The following TRIM32 variants were observed in gnomAD, a reference collection of about 807,000 sequenced individuals.
TRIM32 encodes tripartite motif containing 32.
In TRIM32, 19 loss-of-function variants were observed where a neutral mutation model predicts 36.0. The ratio of observed to expected loss-of-function variants is 0.53; its 90% CI spans 0.37 to 0.77. The LOEUF (loss-of-function observed/expected upper bound fraction) is 0.77. Ranked by LOEUF, TRIM32 falls within the 30% of genes least tolerant of loss-of-function variation. The pLI is 0.00. For missense variants in TRIM32, 747 were observed against 845.2 expected (o/e 0.88, Z 1.44); for synonymous variants, 309 against 318.5 (o/e 0.97, Z 0.32).
At position 116,699,872 on chromosome 9, in the gene TRIM32, C is replaced by T. The variant is rs370691123; in HGVS notation, c.*168C>T. ...TTTAATGTTTTTATTTGTTATGTCC[C>T]CCTCCCCGCTTCCCACCTAAATTTA... On this transcript the variant is annotated 3_prime_UTR_variant, in exon 2 of 2. Coordinates refer to ENST00000450136, the MANE Select transcript of TRIM32 (RefSeq NM_012210.4). The surrounding 1 kb of genome is among the most constrained non-coding windows in gnomAD (Gnocchi z 4.2). 4 of 888,358 alleles carry T rather than the reference C, an allele frequency of 4.5e-6. No individual in the cohort carries two copies. The African/African-American group carries it at 6.8e-5, about 15-fold the overall frequency. The allele number at this position is 888,358 out of a possible 1,614,324, so 55.0% of individuals were successfully genotyped here.
At chr9:116,689,939 A>G (rs753319373) in intron 1 of TRIM32, among the ~76,000 whole-genome samples, 1 of 152,164 alleles carries the variant, frequency 6.6e-6, no homozygotes, top group African/African-American at 2.4e-5. Context: ...GAGAGTAACT[A>G]CTGTTCTGTA....
In TRIM32 at chr9:116,687,372, G is replaced by A. The variant is rs1860302229; in HGVS notation, c.-91G>A. 3.8e-6 allele frequency: 2 copies of A among 532,448 alleles called. No homozygotes were observed. Among genetic ancestry groups the A allele is most frequent in the South Asian group, 8.1e-5 (1 of 12,308 alleles). The allele number at this position is 532,448 out of a possible 1,614,324, so 33.0% of individuals were successfully genotyped here. A position where few individuals can be genotyped will look rare whatever the true frequency, so the allele number is the denominator to read the frequency against. On this transcript the variant is annotated 5_prime_UTR_variant, in exon 1 of 2. Transcript: ENST00000450136. Reference sequence around the variant, plus strand: ...CCGGCGGTGGACTCGTCGGAGCCGCGGGCGGTCAGGTAGGGGGCGGGAAGG... The same window carrying A: ...CCGGCGGTGGACTCGTCGGAGCCGCAGGCGGTCAGGTAGGGGGCGGGAAGG...
intron 1 of TRIM32, among the ~76,000 whole-genome samples, chr9:116,692,800 G>A (rs1860638514): frequency 6.6e-6 from 1 of 152,074 alleles, no homozygotes; most frequent in Non-Finnish European, 1.5e-5. Context: ...TGCCCAGGCT[G>A]AAGTACAGTA....
intron 1 of TRIM32, among the ~76,000 whole-genome samples, chr9:116,695,270 A>G (rs894539977): frequency 3.3e-5 from 5 of 152,192 alleles, no homozygotes; most frequent in African/African-American, 1.2e-4. Context: ...TTACCACTTC[A>G]TAGTGTCATC....
At position 116,700,699 on chromosome 9, in the gene TRIM32, AT is replaced by A. The variant is rs1394867045; in HGVS notation, c.*998del. ...TCAGTACATACTATTTGGTTTCAGGATTTCTTTCCATTTCTCTATCAAGCAT... is the reference window on the plus strand; with the variant it reads ...TCAGTACATACTATTTGGTTTCAGGATTCTTTCCATTTCTCTATCAAGCAT... On this transcript the variant is annotated 3_prime_UTR_variant, in exon 2 of 2. Coordinates refer to ENST00000450136, the MANE Select transcript of TRIM32 (RefSeq NM_012210.4). 1 of 166,886 alleles carries A rather than the reference AT, an allele frequency of 6.0e-6. No individual in the cohort carries two copies. 10.3% of individuals were successfully genotyped at this position (166,886 alleles called of 1,614,324 possible).
intron 1 of TRIM32, among the ~76,000 whole-genome samples, chr9:116,688,158 G>A (rs1860368724): frequency 6.6e-6 from 1 of 152,040 alleles, no homozygotes; most frequent in East Asian, 1.9e-4. Context: ...TTTGGAAATA[G>A]GGATTAAACG....
At chr9:116,692,234 C>G (rs1204388311) in intron 1 of TRIM32, among the ~76,000 whole-genome samples, 2 of 152,178 alleles carry the variant, frequency 1.3e-5, no homozygotes, top group African/African-American at 4.8e-5. Flanking sequence ...TAGATCATCT[C>G]TAATCTTTAG....
In TRIM32 at chr9:116,698,498, A is replaced by T; in HGVS notation, c.756A>T (p.Ala252=). 3 of 1,613,850 alleles carry T rather than the reference A, an allele frequency of 1.9e-6. 1 individual carries two copies. The highest frequency in any genetic ancestry group is 2.7e-5 in the African/African-American group (2 of 75,016). The change falls in exon 2 of 2, where the codon GCA becomes GCT. Residue 252 remains alanine (A), a synonymous_variant. Transcript: ENST00000450136. The surrounding 1 kb of genome is among the most constrained non-coding windows in gnomAD (Gnocchi z 4.4). ...FLAKIKQADV[A]LLEETADEEE... is the part of the protein sequence containing the mutation. ...CCAAGATCAAGCAGGCAGATGTAGC[A>T]CTACTGGAGGAGACAGCTGATGAGG... is the stretch of plus-strand genomic sequence containing the variant.
Position 116,694,524 on chromosome 9 carries a change from C to A in TRIM32, c.-81-3138C>A, listed in dbSNP as rs184489068. Among the ~76,000 whole-genome samples the A allele has an allele frequency of 3.6e-3, 462 of 127,664 alleles. 6 individuals carry two copies. Among genetic ancestry groups the A allele is most frequent in the Middle Eastern group, 0.029 (5 of 172 alleles). The allele number at this position is 127,664 out of a possible 152,430, so 83.8% of individuals were successfully genotyped here. A position where few individuals can be genotyped will look rare whatever the true frequency, so the allele number is the denominator to read the frequency against. ...TCACCCAGTCTGGAGTGCAGTGGCG[C>A]GTCTCGGCTCACTGCAAGCTCCGCC... is the stretch of plus-strand genomic sequence containing the variant. On this transcript the variant is annotated intron_variant, in intron 1 of 1. Transcript: ENST00000450136.
intron 1 of TRIM32, among the ~76,000 whole-genome samples, chr9:116,689,207 CTA>C (rs1484660025): frequency 6.6e-6 from 1 of 152,152 alleles, no homozygotes; most frequent in Non-Finnish European, 1.5e-5. Flanking sequence ...AGTCCTAGCT[CTA>C]TCTCTTCCTG....
intron 1 of TRIM32, among the ~76,000 whole-genome samples, chr9:116,696,643 T>C (rs1860867539): frequency 6.6e-6 from 1 of 152,174 alleles, no homozygotes. Flanking sequence ...CAAACTTAGT[T>C]TTTATTTCGT....
chr9:116,697,531 G>C lies in TRIM32; in HGVS notation c.-81-131G>C, dbSNP rs1860924939. 4 of 616,254 alleles carry C rather than the reference G, an allele frequency of 6.5e-6. No individual in the cohort carries two copies. In the East Asian group the frequency reaches 8.9e-5, roughly 14 times the overall value. The allele number at this position is 616,254 out of a possible 1,614,324, so 38.2% of individuals were successfully genotyped here. A position where few individuals can be genotyped will look rare whatever the true frequency, so the allele number is the denominator to read the frequency against. ...TGTCACCCTCACGTGACATATAATA[G>C]ACCTCAATAAAATAGTTGTTAAGTA... On this transcript the variant is annotated intron_variant, in intron 1 of 1. Coordinates refer to ENST00000450136, the MANE Select transcript of TRIM32 (RefSeq NM_012210.4).
intron 1 of TRIM32, among the ~76,000 whole-genome samples, chr9:116,690,447 C>G (rs938386923): frequency 6.6e-6 from 1 of 152,182 alleles, no homozygotes. Flanking sequence ...TTCAGAGCCC[C>G]TATGTTTATG....
intron 1 of TRIM32, among the ~76,000 whole-genome samples, chr9:116,691,919 G>A (rs1235772163): frequency 6.6e-6 from 1 of 152,192 alleles, no homozygotes; most frequent in African/African-American, 2.4e-5. Context: ...CCAGGGGAGC[G>A]TGTCAATAGT....
rs1388643518 is a variant in TRIM32, at chr9:116,698,255, A to C, written c.513A>C (p.Glu171Asp). The C allele has an allele frequency of 6.2e-7, 1 of 1,614,126 alleles. No homozygotes were observed. Among genetic ancestry groups the C allele is most frequent in the Non-Finnish European group, 8.5e-7 (1 of 1,180,020 alleles). The change falls in exon 2 of 2, where the codon GAA becomes GAC. Residue 171 changes from glutamate to aspartate, a missense_variant. Coordinates refer to ENST00000450136, the MANE Select transcript of TRIM32 (RefSeq NM_012210.4). This position sits in a 1 kb window ranked among gnomAD's most constrained non-coding sequence, Gnocchi z 4.4. ...TGCAGCGGCGGAAGGCAGCCTTGGA[A>C]GGTGTCTCCAAGGACCTTCAGGCAA... is the stretch of plus-strand genomic sequence containing the variant. Reference protein sequence around the residue: ...GELQRRKAALEGVSKDLQARY... With the variant: ...GELQRRKAALDGVSKDLQARY...
rs1564218246 is a variant in TRIM32, at chr9:116,699,437, T to G, written c.1695T>G (p.Ile565Met). 6.2e-7 allele frequency: 1 copy of G among 1,614,154 alleles called. No individual in the cohort carries two copies. Among genetic ancestry groups the G allele is most frequent in the East Asian group, 2.2e-5 (1 of 44,858 alleles). Reference protein sequence around the residue: ...VGPDGQLGRQISHFFSENEDF... With the variant: ...VGPDGQLGRQMSHFFSENEDF... The stretch of plus-strand genomic sequence containing the variant: ...CTGATGGGCAGCTGGGTCGCCAGAT[T>G]AGCCACTTCTTCTCGGAGAATGAGG... The change falls in exon 2 of 2, where the codon ATT becomes ATG. Residue 565 changes from isoleucine (I) to methionine (M), a missense_variant. By Grantham distance (10) the Ile-to-Met change is conservative. Transcript: ENST00000450136. This position sits in a 1 kb window ranked among gnomAD's most constrained non-coding sequence, Gnocchi z 4.2.
intron 1 of TRIM32, among the ~76,000 whole-genome samples, chr9:116,694,627 AT>A (rs11340280): frequency 0.57 from 72,986 of 127,908 alleles, 20,443 homozygotes; most frequent in South Asian, 0.71. Flanking sequence ...CGCCCAGCTA[AT>A]TTTTTTTTTT....
chr9:116,700,402 A>AAT lies in TRIM32; in HGVS notation c.*699_*700dup, dbSNP rs1170046928. 6.0e-6 allele frequency: 1 copy of AAT among 167,212 alleles called. No homozygotes were observed. Among genetic ancestry groups the AAT allele is most frequent in the African/African-American group, 2.4e-5 (1 of 41,466 alleles). The allele number at this position is 167,212 out of a possible 1,614,324, so 10.4% of individuals were successfully genotyped here. ...TTGGTATTGATGACTTCAGCCTGGA[A>AAT]ATTGCTTGCCTTTTAAAGAAGCATA... On this transcript the variant is annotated 3_prime_UTR_variant, in exon 2 of 2. Transcript: ENST00000450136.
Position 116,693,812 on chromosome 9 carries a change from A to G in TRIM32, c.-81-3850A>G, listed in dbSNP as rs528552111. On this transcript the variant is annotated intron_variant, in intron 1 of 1. Transcript: ENST00000450136. ...CTTTTATTTGTGTAGTCTTTTGGGG[A>G]AACTGAAGTCAAATTGACCTTCTAT... Among the ~76,000 whole-genome samples the G allele has an allele frequency of 2.6e-5, 4 of 152,272 alleles. 1 individual carries two copies. In the South Asian group the frequency reaches 8.3e-4, roughly 32 times the overall value.
Sources: allele counts gnomAD v4.1 joint callset (sites outside exome capture counted in the v4.1 genomes callset), GRCh38; gene constraint gnomAD v4.1.1; non-coding constraint Gnocchi (gnomAD v3.1); transcripts MANE v1.5; gene names NCBI Gene and HGNC (gene_info 2026-07-23, HGNC 2026-07-21).